Variants in DDX10 observed in about 807,000 individuals in gnomAD.
The protein encoded by DDX10 is DEAD-box helicase 10, also known as probable ATP-dependent RNA helicase DDX10.
In DDX10, 74 loss-of-function variants were observed where a neutral mutation model predicts 104.3. That is an observed-to-expected ratio of 0.71 (90% CI 0.59 to 0.86). The LOEUF (loss-of-function observed/expected upper bound fraction) is 0.86, where lower values mean the gene tolerates loss of function less well. Ranked by LOEUF, DDX10 falls within the 40% of genes least tolerant of loss-of-function variation. DDX10 has a pLI of 0.00. For synonymous variants in DDX10, 351 were observed against 353.4 expected (o/e 0.99, Z 0.08); for missense variants, 952 against 1,040.0 (o/e 0.92, Z 1.16).
intron 13 of DDX10, among the ~76,000 whole-genome samples, chr11:108,805,620 T>C (rs1047129748): frequency 6.6e-6 from 1 of 152,226 alleles, no homozygotes; most frequent in Non-Finnish European, 1.5e-5. Context: ...CTAGGCCTTG[T>C]GTTACATTGC....
chr11:108,687,765 A>G (rs2094246463), intron 6 of DDX10, among the ~76,000 whole-genome samples: 1 of 152,198 alleles, frequency 6.6e-6, no homozygotes, highest in South Asian at 2.1e-4. Flanking sequence ...TTCACAGATC[A>G]GAAACATTTA....
intron 13 of DDX10, among the ~76,000 whole-genome samples, chr11:108,745,904 C>CT (rs1481001484): frequency 1.3e-5 from 2 of 151,992 alleles, no homozygotes; most frequent in Non-Finnish European, 2.9e-5. Flanking sequence ...TTGATAATAG[C>CT]TTTTTTGAGA....
intron 1 of DDX10, among the ~76,000 whole-genome samples, chr11:108,666,353 G>T (rs1232514419): frequency 6.6e-6 from 1 of 152,152 alleles, no homozygotes; most frequent in Non-Finnish European, 1.5e-5. Context: ...AGTGGTGGGT[G>T]CCTGTAATCC....
intron 13 of DDX10, among the ~76,000 whole-genome samples, chr11:108,725,758 G>T (rs540474807): frequency 1.6e-4 from 25 of 151,870 alleles, no homozygotes; most frequent in African/African-American, 5.6e-4. Context: ...TTTATTTTGA[G>T]TGTCTGGCAA....
At chr11:108,940,130 G>C (rs890781510) in intron 17 of DDX10, 116 bp from the exon 18 acceptor site, 1 of 1,125,568 alleles carries the variant, frequency 8.9e-7, no homozygotes, top group African/African-American at 1.6e-5. Context: ...ATGTTGCCAT[G>C]GTTTCCTTCA....
chr11:108,821,927 A>G (rs1862330522), intron 13 of DDX10, among the ~76,000 whole-genome samples: 1 of 152,204 alleles, frequency 6.6e-6, no homozygotes, highest in African/African-American at 2.4e-5. Flanking sequence ...AACATGAAAC[A>G]CGGATGAATC....
intron 16 of DDX10, among the ~76,000 whole-genome samples, chr11:108,915,416 A>G (rs1863733690): frequency 6.6e-6 from 1 of 150,790 alleles, no homozygotes; most frequent in African/African-American, 2.5e-5. Flanking sequence ...ACAGCTTCCC[A>G]ATACTAAAAA....
At chr11:108,845,263 C>G (rs2134599588) in intron 15 of DDX10, among the ~76,000 whole-genome samples, 1 of 151,744 alleles carries the variant, frequency 6.6e-6, no homozygotes, top group East Asian at 1.9e-4. Flanking sequence ...TACTTATTTC[C>G]AGTAACTTTT....
At chr11:108,675,124 G>A (rs1291746072) in intron 2 of DDX10, among the ~76,000 whole-genome samples, 1 of 145,278 alleles carries the variant, frequency 6.9e-6, no homozygotes, top group Admixed American at 6.8e-5. Context: ...GTGTGTGTGT[G>A]TATGTGTATG....
rs1238258103 is a variant in DDX10 at position 108,673,636 on chromosome 11, G to A, written c.247+109G>A. The A allele has an allele frequency of 1.6e-5, 12 of 742,058 alleles. No homozygotes were observed. In the South Asian group the frequency reaches 1.8e-4, roughly 11 times the overall value. 46.0% of individuals were successfully genotyped at this position (742,058 alleles called of 1,614,324 possible). A position where few individuals can be genotyped will look rare whatever the true frequency, so the allele number is the denominator to read the frequency against. Reference sequence around the variant, plus strand: ...GAAAAATCTTATTTTGGCAAATTTTGATATCATGAAAACCAATGAAAATAA... The same window carrying A: ...GAAAAATCTTATTTTGGCAAATTTTAATATCATGAAAACCAATGAAAATAA... On this transcript the variant is annotated intron_variant, in intron 2 of 17. Transcript: ENST00000322536.
At chr11:108,814,236 A>T (rs1014686354) in intron 13 of DDX10, among the ~76,000 whole-genome samples, 2 of 152,174 alleles carry the variant, frequency 1.3e-5, no homozygotes, top group Non-Finnish European at 2.9e-5. Flanking sequence ...TAAATGAAAC[A>T]TGGCCTTGTC....
intron 13 of DDX10, among the ~76,000 whole-genome samples, chr11:108,737,229 T>C (rs1367648129): frequency 6.6e-6 from 1 of 152,214 alleles, no homozygotes; most frequent in Non-Finnish European, 1.5e-5. Flanking sequence ...AAACCAAATT[T>C]TTAAAACTTA....
intron 7 of DDX10, among the ~76,000 whole-genome samples, chr11:108,691,191 T>C (rs539987224): frequency 2.4e-4 from 37 of 152,366 alleles, no homozygotes; most frequent in African/African-American, 7.9e-4. Context: ...TTCTCTTTAA[T>C]TGAGCGACTG....
intron 13 of DDX10, among the ~76,000 whole-genome samples, chr11:108,797,757 C>T (rs191257559): frequency 1.3e-5 from 2 of 152,134 alleles, no homozygotes; most frequent in Non-Finnish European, 2.9e-5. Context: ...ATTTGCTGAC[C>T]TTTTCAAATG....
intron 1 of DDX10, among the ~76,000 whole-genome samples, chr11:108,673,233 A>G (rs557875970): frequency 3.9e-5 from 6 of 152,108 alleles, no homozygotes; most frequent in Non-Finnish European, 5.9e-5. Flanking sequence ...GTGTGTGTGT[A>G]TTGGGTGACT....
At chr11:108,808,593 T>A (rs911923911) in intron 13 of DDX10, among the ~76,000 whole-genome samples, 1 of 152,122 alleles carries the variant, frequency 6.6e-6, no homozygotes, top group Non-Finnish European at 1.5e-5. Flanking sequence ...AAATAAGTGA[T>A]CAGTAGTCCT....
intron 13 of DDX10, among the ~76,000 whole-genome samples, chr11:108,738,371 G>A (rs751419672): frequency 3.3e-5 from 5 of 151,126 alleles, no homozygotes; most frequent in Non-Finnish European, 7.4e-5. Context: ...ACTCATATGT[G>A]TTTTAGTAGC....
At chr11:108,693,229 A>C (rs1420241076) in intron 8 of DDX10, among the ~76,000 whole-genome samples, 1 of 152,160 alleles carries the variant, frequency 6.6e-6, no homozygotes, top group Non-Finnish European at 1.5e-5. Flanking sequence ...GTTATTAAAT[A>C]TTAGGGTATT....
At position 108,779,039 on chromosome 11, in the gene DDX10, A is replaced by G. The variant is rs575677437; in HGVS notation, c.1965+55577A>G. Among the ~76,000 whole-genome samples the G allele has an allele frequency of 2.0e-5, 3 of 152,336 alleles. No individual in the cohort carries two copies. In the South Asian group the frequency reaches 6.2e-4, roughly 32 times the overall value. On this transcript the variant is annotated intron_variant, in intron 13 of 17. Coordinates refer to ENST00000322536, the MANE Select transcript of DDX10 (RefSeq NM_004398.4). ...AATCATTAAAAAGTCAGGAAACAAC[A>G]GGTGCTGGAGAGAATGTGGAGAAAT... is the stretch of plus-strand genomic sequence containing the variant.
Sources: allele counts gnomAD v4.1 joint callset (sites outside exome capture counted in the v4.1 genomes callset), GRCh38; gene constraint gnomAD v4.1.1; transcripts MANE v1.5; gene names NCBI Gene and HGNC (gene_info 2026-07-23, HGNC 2026-07-21).